Variants in ETFB observed in about 807,000 individuals in gnomAD.
ETFB encodes the protein electron transfer flavoprotein subunit beta, also known as beta-ETF.
In ETFB, 20 loss-of-function variants were observed where a neutral mutation model predicts 25.6. That is an observed-to-expected ratio of 0.78 (90% CI 0.55 to 1.14). The LOEUF (loss-of-function observed/expected upper bound fraction) is 1.14. Among genes scored for constraint, ETFB ranks in the 50% most tolerant of loss-of-function variants. The pLI, the probability that ETFB is intolerant of heterozygous loss-of-function variation, is 0.00. For missense variants in ETFB, 286 were observed against 342.6 expected (o/e 0.83, Z 1.30); for synonymous variants, 142 against 146.7 (o/e 0.97, Z 0.23).
chr19:51,347,091 G>A (rs1299743256), intron 4 of ETFB, 33 bp from the exon 5 acceptor site: 3 of 1,612,702 alleles, frequency 1.9e-6, no homozygotes, highest in Non-Finnish European at 2.5e-6. Flanking sequence ...GAGAGTGGGT[G>A]AGGCTAATTC....
At chr19:51,347,491 A>G in intron 4 of ETFB, 1 of 196,832 alleles carries the variant, frequency 5.1e-6, no homozygotes, top group East Asian at 1.3e-4. Flanking sequence ...TAAATCCAAA[A>G]GCTGACAATC....
At chr19:51,347,323 G>A (rs1214283051) in intron 4 of ETFB, 3 of 513,168 alleles carry the variant, frequency 5.8e-6, no homozygotes, top group African/African-American at 1.9e-5. Context: ...CAGGGAACAT[G>A]TACTGAGTGC....
intron 1 of ETFB, among the ~76,000 whole-genome samples, chr19:51,357,549 G>A (rs930754972): frequency 3.5e-5 from 5 of 144,906 alleles, no homozygotes; most frequent in African/African-American, 1.0e-4. Flanking sequence ...GAGAGCAGTG[G>A]CATGATCTCA....
rs746450125 is a variant in ETFB at position 51,345,232 on chromosome 19, C to T, written c.747G>A (p.Leu249=). Residue 249 remains leucine (L), a synonymous_variant, in exon 6 of 6, where the codon CTG becomes CTA. Transcript: ENST00000309244. ...VETTEDLVAK[L]KEIGRI ...GGGCTCAAATCCGCCCAATCTCCTT[C>T]AGCTTGGCCACCAGGTCCTCAGTGG... The T allele has an allele frequency of 6.2e-7, 1 of 1,614,224 alleles. No individual in the cohort carries two copies. The highest frequency in any genetic ancestry group is 8.5e-7 in the Non-Finnish European group (1 of 1,180,040).
intron 1 of ETFB, among the ~76,000 whole-genome samples, chr19:51,364,232 A>C (rs57067743): frequency 0.018 from 2,758 of 152,242 alleles, 82 homozygotes; most frequent in African/African-American, 0.063. Context: ...CTTTGGGAGA[A>C]GGGAAAGAGG....
intron 5 of ETFB, 59 bp from the exon 6 acceptor site, chr19:51,345,440 C>T: frequency 6.4e-7 from 1 of 1,563,624 alleles, no homozygotes; most frequent in Non-Finnish European, 8.8e-7. Flanking sequence ...CTTCCTGCCA[C>T]CTCCTTCCCA....
In ETFB at chr19:51,356,350, T is replaced by A. The variant is rs1360786166; in HGVS notation, c.58-2042A>T. The A allele has an allele frequency of 2.6e-5, 4 of 152,092 alleles. No individual in the cohort carries two copies. In the East Asian group the frequency reaches 7.7e-4, roughly 29 times the overall value. 9.4% of individuals were successfully genotyped at this position (152,092 alleles called of 1,614,324 possible). On this transcript the variant is annotated intron_variant, in intron 1 of 5. Transcript: ENST00000309244. The stretch of plus-strand genomic sequence containing the variant: ...CACAAATGCCACTGCAGTGTAAGGG[T>A]CAGTGACCAATACTGACCCTGCCTA...
At chr19:51,361,356 C>T (rs554321030) in intron 1 of ETFB, among the ~76,000 whole-genome samples, 26 of 152,304 alleles carry the variant, frequency 1.7e-4, no homozygotes, top group African/African-American at 5.5e-4. Context: ...TGCTAGGGCA[C>T]TCAGCAAGCA....
intron 5 of ETFB, 100 bp from the exon 6 acceptor site, chr19:51,345,481 G>C: frequency 8.1e-7 from 1 of 1,228,218 alleles, no homozygotes; most frequent in Non-Finnish European, 1.2e-6. Flanking sequence ...CAGTCCCATG[G>C]GCTGAACCCT....
rs74785047 is a variant in ETFB, at chr19:51,352,081, A to C, written c.375+1051T>G. 9.6e-4 allele frequency among the ~76,000 whole-genome samples: 146 copies of C among 152,056 alleles called. 5 individuals carry two copies. The East Asian group carries it at 0.026, about 28-fold the overall frequency. Reference sequence around the variant, plus strand: ...GTGCCCGAGGGTCTCCTGGGGGAACAGATGAGCTCCATGTACCCCTATCTC... The same window carrying C: ...GTGCCCGAGGGTCTCCTGGGGGAACCGATGAGCTCCATGTACCCCTATCTC... On this transcript the variant is annotated intron_variant, in intron 3 of 5. Transcript: ENST00000309244.
chr19:51,364,194 A>G (rs1986297266), intron 1 of ETFB, among the ~76,000 whole-genome samples: 1 of 152,118 alleles, frequency 6.6e-6, no homozygotes, highest in Non-Finnish European at 1.5e-5. Context: ...CAATAGGGCA[A>G]GAAGGGTGGG....
chr19:51,354,369 C>T (rs1259864962), intron 1 of ETFB, 61 bp from the exon 2 acceptor site: 5 of 1,614,044 alleles, frequency 3.1e-6, no homozygotes, highest in Non-Finnish European at 4.2e-6. Flanking sequence ...GTGGGGGCCT[C>T]AGCGCCAACC....
intron 5 of ETFB, chr19:51,346,648 C>T (rs112185161): frequency 1.2e-4 from 60 of 503,050 alleles, no homozygotes; most frequent in African/African-American, 1.0e-3. Flanking sequence ...CTTCTGCTGC[C>T]CAGCGAAGGC....
At chr19:51,357,912 A>C (rs920630428) in intron 1 of ETFB, among the ~76,000 whole-genome samples, 1 of 152,204 alleles carries the variant, frequency 6.6e-6, no homozygotes, top group African/African-American at 2.4e-5. Flanking sequence ...ACAGTGGCTC[A>C]GACAGCTGTG....
chr19:51,362,341 G>T (rs973829751), intron 1 of ETFB, among the ~76,000 whole-genome samples: 1 of 152,156 alleles, frequency 6.6e-6, no homozygotes, highest in African/African-American at 2.4e-5. Context: ...ACGTTGGGAG[G>T]CTGAGGCGGG....
At chr19:51,349,903 C>T (rs1311403639) in intron 4 of ETFB, among the ~76,000 whole-genome samples, 1 of 152,188 alleles carries the variant, frequency 6.6e-6, no homozygotes, top group African/African-American at 2.4e-5. Flanking sequence ...CACGCCACCA[C>T]ACCCAGCTAA....
chr19:51,354,426 G>A (rs1179244504), intron 1 of ETFB, 118 bp from the exon 2 acceptor site: 3 of 1,613,600 alleles, frequency 1.9e-6, no homozygotes, highest in African/African-American at 1.3e-5. Context: ...AAGGGGCAGG[G>A]CCTTGTCCGG....
Position 51,366,345 on chromosome 19 carries a change from T to C in ETFB, c.-19A>G. On this transcript the variant is annotated 5_prime_UTR_variant, in exon 1 of 6. Transcript: ENST00000309244. ...CCGCCATCTTCCCGCCGCAGCCACT[T>C]ACAGGGTCAGCCCGCACCCTCAGCG... The C allele has an allele frequency of 6.2e-7, 1 of 1,611,928 alleles. No homozygotes were observed. Among genetic ancestry groups the C allele is most frequent in the Middle Eastern group, 2.1e-4 (1 of 4,848 alleles).
chr19:51,366,188 G>T, intron 1 of ETFB, 82 bp downstream of exon 1: 1 of 1,359,466 alleles, frequency 7.4e-7, no homozygotes, highest in Non-Finnish European at 1.1e-6. Flanking sequence ...GTTACGAGAA[G>T]ACCCCCACCC....
Sources: allele counts gnomAD v4.1 joint callset (sites outside exome capture counted in the v4.1 genomes callset), GRCh38; gene constraint gnomAD v4.1.1; transcripts MANE v1.5; gene names NCBI Gene and HGNC (gene_info 2026-07-23, HGNC 2026-07-21).